Variants in SEMA4D observed in about 807,000 individuals in gnomAD.
The protein encoded by SEMA4D is semaphorin 4D.
SEMA4D carries 22 observed loss-of-function variants against 74.8 expected under a neutral mutation model. The ratio of observed to expected loss-of-function variants is 0.29; its 90% CI spans 0.21 to 0.42. The LOEUF is 0.42. SEMA4D is among the 10% of genes least tolerant of loss of function. The pLI is 1.00. For synonymous variants in SEMA4D, 445 were observed against 463.7 expected (o/e 0.96, Z 0.52); for missense variants, 937 against 1,118.4 (o/e 0.84, Z 2.31).
rs373619636 is a variant in SEMA4D at position 89,399,245 on chromosome 9, G to C, written c.315+31C>G. 1.2e-4 allele frequency: 196 copies of C among 1,580,614 alleles called. 1 individual carries two copies. Among genetic ancestry groups the C allele is most frequent in the Non-Finnish European group, 1.6e-4 (189 of 1,149,630 alleles). ...AAAACAACCAAGAAATACTTGAATG[G>C]GATTCTTTGTAGCTTGCAAAAGAAA... is the stretch of plus-strand genomic sequence containing the variant. On this transcript the variant is annotated intron_variant, in intron 5 of 15. Transcript: ENST00000422704.
chr9:89,400,829 C>G (rs181817349), intron 4 of SEMA4D, among the ~76,000 whole-genome samples: 1 of 152,116 alleles, frequency 6.6e-6, no homozygotes, highest in African/African-American at 2.4e-5. Flanking sequence ...TCCCCAACCC[C>G]GAGGGACCAC....
chr9:89,447,385 C>G (rs1587960376), intron 2 of SEMA4D, among the ~76,000 whole-genome samples: 1 of 152,056 alleles, frequency 6.6e-6, no homozygotes, highest in African/African-American at 2.4e-5. Flanking sequence ...GTCCCCAAAC[C>G]ACGCTCCTCA....
At chr9:89,395,805 G>A (rs188540732) in intron 6 of SEMA4D, among the ~76,000 whole-genome samples, 27 of 152,206 alleles carry the variant, frequency 1.8e-4, no homozygotes, top group Middle Eastern at 3.4e-3. Context: ...GAGGCCATAC[G>A]TTGTCTTGTC....
intron 2 of SEMA4D, among the ~76,000 whole-genome samples, chr9:89,426,944 A>G (rs1426998502): frequency 6.6e-6 from 1 of 152,218 alleles, no homozygotes; most frequent in Non-Finnish European, 1.5e-5. Flanking sequence ...CAAACACTGC[A>G]GGCCACACCT....
At position 89,379,430 on chromosome 9, in the gene SEMA4D, C is replaced by T; in HGVS notation, c.1863G>A (p.Val621=). The change falls in exon 16 of 16, where the codon GTG becomes GTA. Residue 621 remains valine, a synonymous_variant. Transcript: ENST00000422704. The stretch of plus-strand genomic sequence containing the variant: ...CCCTCTCCTCTGACAGGCACTGGTA[C>T]ACCCCACTGTCTCCTTCTGACAAGT... ...IFNLSEGDSG[V]YQCLSEERVK... 4.3e-6 allele frequency: 7 copies of T among 1,614,204 alleles called. No individual in the cohort carries two copies. The highest frequency in any genetic ancestry group is 5.1e-6 in the Non-Finnish European group (6 of 1,180,028).
intron 1 of SEMA4D, among the ~76,000 whole-genome samples, chr9:89,475,533 T>C (rs1861534350): frequency 1.3e-5 from 2 of 152,182 alleles, no homozygotes. Context: ...CAATCATTCA[T>C]TCACTCCAAC....
intron 2 of SEMA4D, among the ~76,000 whole-genome samples, chr9:89,442,880 G>A (rs577495990): frequency 1.9e-4 from 29 of 152,332 alleles, no homozygotes; most frequent in South Asian, 1.9e-3. Flanking sequence ...CGCATGTGCC[G>A]GTGTCGTCTG....
In SEMA4D at chr9:89,377,237, A is replaced by C; in HGVS notation, c.*1467T>G. The C allele has an allele frequency of 1.3e-6, 1 of 791,066 alleles. No homozygotes were observed. The highest frequency in any genetic ancestry group is 1.8e-6 in the Non-Finnish European group (1 of 544,408). 49.0% of individuals were successfully genotyped at this position (791,066 alleles called of 1,614,324 possible). The stretch of plus-strand genomic sequence containing the variant: ...CGCTAAGGAATGTCTTCCCCAAATC[A>C]AGGATAGAAGCTTCTCATTTATTTG... On this transcript the variant is annotated 3_prime_UTR_variant, in exon 16 of 16. Transcript: ENST00000422704.
intron 16 of SEMA4D, chr9:89,364,088 G>A: frequency 6.4e-7 from 1 of 1,553,114 alleles, no homozygotes; most frequent in African/African-American, 1.4e-5. Flanking sequence ...TTCAGTCCCT[G>A]GGACTGCCCT....
intron 3 of SEMA4D, among the ~76,000 whole-genome samples, chr9:89,403,579 C>T (rs751366346): frequency 2.6e-5 from 4 of 152,200 alleles, no homozygotes; most frequent in Non-Finnish European, 2.9e-5. Flanking sequence ...AAACAAGTGA[C>T]GTCTCTTTGC....
intron 1 of SEMA4D, among the ~76,000 whole-genome samples, chr9:89,464,053 T>C (rs1858031350): frequency 6.6e-6 from 1 of 152,104 alleles, no homozygotes; most frequent in Non-Finnish European, 1.5e-5. Flanking sequence ...TTTGGGGTTC[T>C]ATGTGCTTTT....
At chr9:89,382,490 C>T (rs7048501) in intron 13 of SEMA4D, among the ~76,000 whole-genome samples, 28,066 of 152,096 alleles carry the variant, frequency 0.18, 2,774 homozygotes, top group Non-Finnish European at 0.23. Context: ...TCCAGCTGTG[C>T]GGACACAGAC....
intron 1 of SEMA4D, among the ~76,000 whole-genome samples, chr9:89,463,309 G>A (rs755682828): frequency 2.0e-5 from 3 of 152,182 alleles, no homozygotes; most frequent in Non-Finnish European, 4.4e-5. Flanking sequence ...AAGCCACAGT[G>A]GAACATGGTT....
In SEMA4D at chr9:89,453,992, G is replaced by A. The variant is rs528961495; in HGVS notation, c.-244+1896C>T. On this transcript the variant is annotated intron_variant, in intron 2 of 15. Coordinates refer to ENST00000422704, the MANE Select transcript of SEMA4D (RefSeq NM_001371194.2). ...CCTGCCTCAGCCTCCTGAGTAGCTG[G>A]GACTACAGGCGCCCGCCACCACGCC... is the stretch of plus-strand genomic sequence containing the variant. Among the ~76,000 whole-genome samples, 30 of 152,032 alleles carry A rather than the reference G, an allele frequency of 2.0e-4. No individual in the cohort carries two copies. The East Asian group carries it at 4.8e-3, about 24-fold the overall frequency.
At chr9:89,398,861 C>T (rs573833842) in intron 5 of SEMA4D, among the ~76,000 whole-genome samples, 4 of 152,286 alleles carry the variant, frequency 2.6e-5, no homozygotes, top group South Asian at 4.1e-4. Context: ...GCAAGTCCAA[C>T]GAAGGGGTTG....
In SEMA4D at chr9:89,378,615, G is replaced by GA. The variant is rs1836251207; in HGVS notation, c.*88dup. 1 of 991,504 alleles carries GA rather than the reference G, an allele frequency of 1.0e-6. No individual in the cohort carries two copies. The highest frequency in any genetic ancestry group is 2.5e-5 in the East Asian group (1 of 40,294). The allele number at this position is 991,504 out of a possible 1,614,324, so 61.4% of individuals were successfully genotyped here. ...CGGGCTAACCTACGCAGCACTGCAC[G>GA]AGACTCGGATACTGAACAGGAGAAA... On this transcript the variant is annotated 3_prime_UTR_variant, in exon 16 of 16. Coordinates refer to ENST00000422704, the MANE Select transcript of SEMA4D (RefSeq NM_001371194.2).
At chr9:89,453,859 T>TTTTC (rs1855247188) in intron 2 of SEMA4D, among the ~76,000 whole-genome samples, 1 of 45,458 alleles carries the variant, frequency 2.2e-5, no homozygotes, top group Admixed American at 1.6e-4. Context: ...ATATATGTCT[T>TTTTC]TTTTTTTTTT....
chr9:89,382,708 A>G (rs572262452), intron 13 of SEMA4D, among the ~76,000 whole-genome samples: 2 of 152,330 alleles, frequency 1.3e-5, no homozygotes, highest in African/African-American at 2.4e-5. Flanking sequence ...TGGCGGAAAC[A>G]TTCTCTGGCA....
chr9:89,380,885 A>G (rs1299431900), intron 15 of SEMA4D, among the ~76,000 whole-genome samples, 170 bp downstream of exon 15: 1 of 152,244 alleles, frequency 6.6e-6, no homozygotes, highest in East Asian at 1.9e-4. Flanking sequence ...CTCTTTCGGC[A>G]AGAAAAAAAG....
Sources: gnomAD v4.1 joint callset for allele counts (sites outside exome capture counted in the v4.1 genomes callset) on GRCh38, gnomAD v4.1.1 for gene constraint, MANE v1.5 for transcripts, NCBI Gene and HGNC (gene_info 2026-07-23, HGNC 2026-07-21) for gene names.